Variants in CHST9 observed in about 807,000 individuals in gnomAD.
CHST9 encodes GalNAc-4-sulfotransferase 2.
In CHST9, 41 loss-of-function variants were observed where a neutral mutation model predicts 44.4. The observed-to-expected ratio is 0.92, with a 90% confidence interval of 0.72 to 1.20. CHST9 has a LOEUF of 1.20. CHST9 is among the 50% of genes most tolerant of loss of function. The pLI is 0.00. For missense variants in CHST9, 504 were observed against 516.5 expected, an observed-to-expected ratio of 0.98 and a Z score of 0.23; for synonymous variants, 171 against 178.4, an observed-to-expected ratio of 0.96 and a Z score of 0.33.
intron 4 of CHST9, among the ~76,000 whole-genome samples, chr18:26,965,233 T>C (rs1201585505): frequency 6.6e-6 from 1 of 152,194 alleles, no homozygotes; most frequent in African/African-American, 2.4e-5. Context: ...GAAGCTGCAC[T>C]GTGCGGCCTG....
At chr18:27,019,167 C>T (rs1012855027) in intron 4 of CHST9, among the ~76,000 whole-genome samples, 2 of 152,162 alleles carry the variant, frequency 1.3e-5, no homozygotes, top group African/African-American at 4.8e-5. Context: ...AAACAATAGT[C>T]CATTTCAGGA....
intron 5 of CHST9, among the ~76,000 whole-genome samples, chr18:26,921,407 A>T (rs2055650903): frequency 1.3e-5 from 2 of 152,156 alleles, no homozygotes; most frequent in African/African-American, 4.8e-5. Context: ...GTCTAACCAA[A>T]TTGAGATATG....
At chr18:27,068,451 A>G (rs1393313240) in intron 2 of CHST9, among the ~76,000 whole-genome samples, 2 of 152,098 alleles carry the variant, frequency 1.3e-5, no homozygotes, top group Admixed American at 1.3e-4. Context: ...CCCTTCAAAT[A>G]ATTCATATCA....
Position 26,909,753 on chromosome 18 carries a change from G to A in CHST9, c.*6506C>T, listed in dbSNP as rs1268503213. 1 of 152,184 alleles carries A rather than the reference G, an allele frequency of 6.6e-6. No homozygotes were observed. The allele number at this position is 152,184 out of a possible 1,614,324, so 9.4% of individuals were successfully genotyped here. ...TGTTTTCTCCACCTCTCTAAGTATA[G>A]AAGTGGGGGGAGGAGTAGGAGGAGT... On this transcript the variant is annotated 3_prime_UTR_variant, in exon 6 of 6. Coordinates refer to ENST00000618847, the MANE Select transcript of CHST9 (RefSeq NM_031422.6).
chr18:27,144,983 C>CA lies in CHST9; in HGVS notation c.-96-2079dup, dbSNP rs201336620. The stretch of plus-strand genomic sequence containing the variant: ...TGGGCAACACAGCAAGATCGTGTCT[C>CA]AAAAAAAAATACAAAATAAAAAACC... On this transcript the variant is annotated intron_variant, in intron 1 of 5. Transcript: ENST00000618847. Among the ~76,000 whole-genome samples, 1,175 of 147,838 alleles carry CA rather than the reference C, an allele frequency of 7.9e-3. 10 individuals are homozygous for CA. Among genetic ancestry groups the CA allele is most frequent in the African/African-American group, 0.027 (1,072 of 40,168 alleles).
At chr18:26,990,500 T>A (rs145931581) in intron 4 of CHST9, among the ~76,000 whole-genome samples, 1 of 152,220 alleles carries the variant, frequency 6.6e-6, no homozygotes, top group African/African-American at 2.4e-5. Flanking sequence ...AAAAGTTATA[T>A]GTGTTTCACT....
chr18:26,990,149 G>A (rs2056799637), intron 4 of CHST9, among the ~76,000 whole-genome samples: 2 of 152,232 alleles, frequency 1.3e-5, no homozygotes, highest in South Asian at 4.2e-4. Flanking sequence ...AGGTGGAAAT[G>A]AGTACATACC....
At chr18:27,063,590 G>A (rs1414842536) in intron 2 of CHST9, among the ~76,000 whole-genome samples, 3 of 152,146 alleles carry the variant, frequency 2.0e-5, no homozygotes, top group Non-Finnish European at 4.4e-5. Flanking sequence ...CCACTGTCAT[G>A]TGTATAAAAT....
chr18:27,154,983 G>T (rs968673854), intron 1 of CHST9, among the ~76,000 whole-genome samples: 7 of 151,126 alleles, frequency 4.6e-5, no homozygotes, highest in African/African-American at 1.7e-4. Flanking sequence ...TCGGGAGGCA[G>T]AAGCATGAGA....
intron 4 of CHST9, among the ~76,000 whole-genome samples, chr18:26,971,426 T>C (rs552289088): frequency 5.9e-4 from 90 of 152,380 alleles, no homozygotes; most frequent in African/African-American, 2.1e-3. Flanking sequence ...CAGGAGGCAT[T>C]CCTGAACATG....
intron 4 of CHST9, among the ~76,000 whole-genome samples, chr18:26,975,234 G>C (rs1036202605): frequency 6.6e-6 from 1 of 152,136 alleles, no homozygotes; most frequent in Non-Finnish European, 1.5e-5. Context: ...GTGGGGGGAA[G>C]AGACATAGGG....
intron 2 of CHST9, among the ~76,000 whole-genome samples, chr18:27,055,959 T>TGTGC (rs1555680092): frequency 1.1e-3 from 169 of 152,018 alleles, no homozygotes; most frequent in Non-Finnish European, 2.0e-3. Context: ...TGTGTGTGTG[T>TGTGC]GTGTATACAC....
chr18:27,138,233 G>A (rs2058533388), intron 2 of CHST9, among the ~76,000 whole-genome samples: 1 of 152,140 alleles, frequency 6.6e-6, no homozygotes, highest in Non-Finnish European at 1.5e-5. Flanking sequence ...TTGAGAAAAA[G>A]GATTATATCT....
chr18:27,050,806 A>C (rs1171147056), intron 2 of CHST9, among the ~76,000 whole-genome samples: 1 of 152,218 alleles, frequency 6.6e-6, no homozygotes, highest in Non-Finnish European at 1.5e-5. Context: ...ACTTATGAAT[A>C]CTAGAGGCCT....
At chr18:27,156,326 G>T (rs545917187) in intron 1 of CHST9, among the ~76,000 whole-genome samples, 1 of 152,056 alleles carries the variant, frequency 6.6e-6, no homozygotes, top group East Asian at 1.9e-4. Context: ...AAGAAGAAGT[G>T]TATGTGAGAT....
intron 2 of CHST9, among the ~76,000 whole-genome samples, chr18:27,053,198 G>GAAGAAAT (rs2057597818): frequency 2.2e-5 from 2 of 89,172 alleles, no homozygotes; most frequent in African/African-American, 8.2e-5. Flanking sequence ...GAAGAAGAAA[G>GAAGAAAT]AACAAGAAGA....
In CHST9 at chr18:27,003,456, G is replaced by T. The variant is rs541459202; in HGVS notation, c.202+20660C>A. ...TTTCAATTTACAGGATGAAATAATG[G>T]GCATGGACCTGGTAAATTGTACTTG... is the stretch of plus-strand genomic sequence containing the variant. On this transcript the variant is annotated intron_variant, in intron 4 of 5. Transcript: ENST00000618847. Among the ~76,000 whole-genome samples, 5 of 152,220 alleles carry T rather than the reference G, an allele frequency of 3.3e-5. No individual in the cohort carries two copies. The East Asian group carries it at 9.6e-4, about 29-fold the overall frequency.
chr18:26,912,393 A>G lies in CHST9; in HGVS notation c.*3866T>C, dbSNP rs1448724506. 6.6e-6 allele frequency: 1 copy of G among 151,854 alleles called. No homozygotes were observed. Among genetic ancestry groups the G allele is most frequent in the Non-Finnish European group, 1.5e-5 (1 of 68,110 alleles). The allele number at this position is 151,854 out of a possible 1,614,324, so 9.4% of individuals were successfully genotyped here. A position where few individuals can be genotyped will look rare whatever the true frequency, so the allele number is the denominator to read the frequency against. ...GCTAAATACACACACACACACACACACACACACACACACACACACAGACAC... is the reference window on the plus strand; with the variant it reads ...GCTAAATACACACACACACACACACGCACACACACACACACACACAGACAC... On this transcript the variant is annotated 3_prime_UTR_variant, in exon 6 of 6. Coordinates refer to ENST00000618847, the MANE Select transcript of CHST9 (RefSeq NM_031422.6).
chr18:26,928,692 C>G (rs1406765054), intron 5 of CHST9, among the ~76,000 whole-genome samples: 17 of 152,130 alleles, frequency 1.1e-4, no homozygotes. Flanking sequence ...TACTGAGGAG[C>G]CCTCAGAACA....
Sources: gnomAD v4.1 joint callset for allele counts (sites outside exome capture counted in the v4.1 genomes callset) on GRCh38, gnomAD v4.1.1 for gene constraint, MANE v1.5 for transcripts, NCBI Gene and HGNC (gene_info 2026-07-23, HGNC 2026-07-21) for gene names.